Variants in RBM25 observed in about 807,000 individuals in gnomAD.
RBM25 encodes RNA-binding protein 25.
Under a neutral mutation model 120.7 loss-of-function variants are expected in RBM25, and 19 were observed. The observed-to-expected ratio is 0.16, with a 90% CI of 0.11 to 0.23. RBM25 has a LOEUF of 0.23. Among genes scored for constraint, RBM25 ranks in the 10% least tolerant of loss-of-function variants. The pLI is 1.00. For missense variants in RBM25, 605 were observed against 1,041.5 expected (o/e 0.58, Z 5.77); for synonymous variants, 390 against 326.7 (o/e 1.19, Z -2.09).
chr14:73,089,127 G>T (rs952450987), intron 6 of RBM25, among the ~76,000 whole-genome samples: 1 of 151,884 alleles, frequency 6.6e-6, no homozygotes, highest in Non-Finnish European at 1.5e-5. Context: ...GGCAACTAGA[G>T]TGAAACTCTG....
At chr14:73,086,519 G>A (rs1895690005) in intron 5 of RBM25, among the ~76,000 whole-genome samples, 1 of 151,688 alleles carries the variant, frequency 6.6e-6, no homozygotes, top group Non-Finnish European at 1.5e-5. Flanking sequence ...AGGACTAAAA[G>A]GTTTTTATTT....
rs914874217 is a variant in RBM25, at chr14:73,123,883, G to A, written c.*4078G>A. On this transcript the variant is annotated 3_prime_UTR_variant, in exon 19 of 19. Transcript: ENST00000261973. Reference sequence around the variant, plus strand: ...ATAAAAATTCTTTTCAAGCCATGTTGTTTGAATTAAATGACACTCCTGAGT... The same window carrying A: ...ATAAAAATTCTTTTCAAGCCATGTTATTTGAATTAAATGACACTCCTGAGT... 3 of 149,382 alleles carry A rather than the reference G, an allele frequency of 2.0e-5. No homozygotes were observed. The highest frequency in any genetic ancestry group is 7.4e-5 in the African/African-American group (3 of 40,590). 9.3% of individuals were successfully genotyped at this position (149,382 alleles called of 1,614,324 possible). A position where few individuals can be genotyped will look rare whatever the true frequency, so the allele number is the denominator to read the frequency against.
chr14:73,095,147 C>T (rs1461250076), intron 6 of RBM25, among the ~76,000 whole-genome samples: 1 of 152,050 alleles, frequency 6.6e-6, no homozygotes, highest in Middle Eastern at 3.2e-3. Flanking sequence ...GCCACCGAGC[C>T]CTGCCAAGTG....
intron 1 of RBM25, among the ~76,000 whole-genome samples, chr14:73,060,236 A>T (rs1456115084): frequency 6.6e-6 from 1 of 151,246 alleles, no homozygotes; most frequent in Non-Finnish European, 1.5e-5. Flanking sequence ...GCGAGGTTTC[A>T]CTATGTTGGC....
intron 6 of RBM25, among the ~76,000 whole-genome samples, chr14:73,093,051 A>G (rs890263889): frequency 3.3e-5 from 5 of 152,158 alleles, no homozygotes; most frequent in Non-Finnish European, 5.9e-5. Flanking sequence ...TTCATGTCCT[A>G]TTGCTTTCTG....
chr14:73,062,193 A>C (rs1170035529), intron 1 of RBM25, among the ~76,000 whole-genome samples: 2 of 151,684 alleles, frequency 1.3e-5, no homozygotes, highest in Middle Eastern at 3.4e-3. Flanking sequence ...TCAGAAAAAG[A>C]TCAACTCTTT....
chr14:73,089,015 G>T (rs1450357979), intron 6 of RBM25, among the ~76,000 whole-genome samples: 6 of 152,064 alleles, frequency 3.9e-5, no homozygotes, highest in African/African-American at 1.4e-4. Context: ...TGTGGTGGGT[G>T]CCTGTAATCC....
intron 2 of RBM25, 27 bp downstream of exon 2, chr14:73,071,774 C>A: frequency 1.3e-6 from 2 of 1,540,428 alleles, no homozygotes; most frequent in East Asian, 4.5e-5. Context: ...TGTTTTTTGT[C>A]GTTAAACTTG....
Position 73,062,823 on chromosome 14 carries a change from GTTATT to G in RBM25, c.-16+4125_-16+4129del, listed in dbSNP as rs564614684. ...GGGAACCCTTCTATCATAGGTTTCT[GTTATT>G]TTATTTAATTTTTGGGGGGCCTCAC... On this transcript the variant is annotated intron_variant, in intron 1 of 18. Transcript: ENST00000261973. Among the ~76,000 whole-genome samples the G allele has an allele frequency of 1.1e-3, 162 of 151,298 alleles. 7 individuals are homozygous for G. Among genetic ancestry groups the G allele is most frequent in the Non-Finnish European group, 1.9e-3 (131 of 67,434 alleles).
rs1896530324 is a variant in RBM25 at position 73,120,950 on chromosome 14, T to A, written c.*1145T>A. On this transcript the variant is annotated 3_prime_UTR_variant, in exon 19 of 19. Coordinates refer to ENST00000261973, the MANE Select transcript of RBM25 (RefSeq NM_021239.3). ...ATTTTTGTCTTGTAGAAGGTTTATA[T>A]CTTGTTTTACCTTGGCTCATTAGTG... 6.6e-6 allele frequency: 1 copy of A among 152,192 alleles called. No homozygotes were observed. The highest frequency in any genetic ancestry group is 2.4e-5 in the African/African-American group (1 of 41,454). The allele number at this position is 152,192 out of a possible 1,614,324, so 9.4% of individuals were successfully genotyped here.
chr14:73,070,514 A>T (rs554806555), intron 1 of RBM25, among the ~76,000 whole-genome samples: 2 of 151,984 alleles, frequency 1.3e-5, no homozygotes, highest in Admixed American at 1.3e-4. Flanking sequence ...AATGGTTACT[A>T]TCTGACTGGA....
At chr14:73,077,220 C>T (rs1895443155) in intron 3 of RBM25, 149 bp from the exon 4 acceptor site, 1 of 538,328 alleles carries the variant, frequency 1.9e-6, no homozygotes, top group Non-Finnish European at 3.0e-6. Flanking sequence ...ATGTGCTATG[C>T]ACTTTAGGAG....
chr14:73,068,440 AC>A, intron 1 of RBM25: 1 of 706,290 alleles, frequency 1.4e-6, no homozygotes, highest in Non-Finnish European at 2.5e-6. Flanking sequence ...TATTCAGACT[AC>A]CAGCTGTATT....
At chr14:73,075,255 G>C (rs978055978) in intron 2 of RBM25, among the ~76,000 whole-genome samples, 1 of 151,384 alleles carries the variant, frequency 6.6e-6, no homozygotes, top group East Asian at 1.9e-4. Context: ...TCTGCCTCCC[G>C]GGTTCAAGCA....
chr14:73,070,555 G>A (rs1895261354), intron 1 of RBM25, among the ~76,000 whole-genome samples: 1 of 152,076 alleles, frequency 6.6e-6, no homozygotes, highest in Non-Finnish European at 1.5e-5. Flanking sequence ...CTGCTGAGAT[G>A]TATGGTTCAT....
intron 3 of RBM25, 132 bp downstream of exon 3, chr14:73,076,500 G>T: frequency 1.3e-6 from 1 of 761,396 alleles, no homozygotes; most frequent in Non-Finnish European, 2.1e-6. Flanking sequence ...CACCCCTGTA[G>T]AGCATATCAT....
Position 73,083,559 on chromosome 14 carries a change from AT to A in RBM25, c.382+15del, listed in dbSNP as rs748171381. On this transcript the variant is annotated intron_variant, in intron 5 of 18. Coordinates refer to ENST00000261973, the MANE Select transcript of RBM25 (RefSeq NM_021239.3). ...CTTCCGGAAAGCTTCAAGGTATGTC[AT>A]TTTTTTCCTTATTTGCTGAAATCAC... The A allele has an allele frequency of 7.7e-6, 12 of 1,563,918 alleles. No individual in the cohort carries two copies. The highest frequency in any genetic ancestry group is 2.4e-5 in the South Asian group (2 of 81,760).
At chr14:73,094,991 A>T (rs558687450) in intron 6 of RBM25, among the ~76,000 whole-genome samples, 1 of 151,206 alleles carries the variant, frequency 6.6e-6, no homozygotes, top group East Asian at 2.0e-4. Context: ...TGAATAGCTG[A>T]GATTACAGGC....
intron 4 of RBM25, among the ~76,000 whole-genome samples, chr14:73,082,305 C>A (rs1895581342): frequency 6.6e-6 from 1 of 151,892 alleles, no homozygotes; most frequent in Admixed American, 6.6e-5. Flanking sequence ...TTTTATTTTT[C>A]TTTTTTGAGA....
Sources: allele counts gnomAD v4.1 joint callset (sites outside exome capture counted in the v4.1 genomes callset), GRCh38; gene constraint gnomAD v4.1.1; transcripts MANE v1.5; gene names NCBI Gene and HGNC (gene_info 2026-07-23, HGNC 2026-07-21).